TMCO4: variants seen among roughly 807,000 people sequenced by gnomAD.
TMCO4 encodes transmembrane and coiled-coil domains 4.
A neutral mutation model predicts 64.7 loss-of-function variants in TMCO4; 58 were observed. The ratio of observed to expected loss-of-function variants is 0.90; its 90% CI spans 0.73 to 1.12. The LOEUF is 1.12. Among genes scored for constraint, TMCO4 ranks in the 50% most tolerant of loss-of-function variants. The pLI, the probability that TMCO4 is intolerant of heterozygous loss-of-function variation, is 0.00. For synonymous variants in TMCO4, 325 were observed against 346.1 expected (o/e 0.94, Z 0.68); for missense variants, 780 against 825.9 (o/e 0.94, Z 0.68).
rs57031243 is a variant in TMCO4 at position 19,693,164 on chromosome 1, CAAAAAAAAAAAAAAAAAA to C, written c.1500+1252_1500+1269del. 5.5e-4 allele frequency among the ~76,000 whole-genome samples: 11 copies of C among 19,956 alleles called. 1 individual carries two copies. Among genetic ancestry groups the C allele is most frequent in the South Asian group, 2.9e-3 (1 of 344 alleles). The allele number at this position is 19,956 out of a possible 152,430, so 13.1% of individuals were successfully genotyped here. A position where few individuals can be genotyped will look rare whatever the true frequency, so the allele number is the denominator to read the frequency against. On this transcript the variant is annotated intron_variant, in intron 15 of 15. Coordinates refer to ENST00000294543, the MANE Select transcript of TMCO4 (RefSeq NM_181719.7). Reference sequence around the variant, plus strand: ...CTCCAGCCTGAGCGAGACCCCATCTCAAAAAAAAAAAAAAAAAAAAAAAAAAAAAAAAAAAAGGCCAGG... The same window carrying C: ...CTCCAGCCTGAGCGAGACCCCATCTCAAAAAAAAAAAAAAAAAAGGCCAGG...
At position 19,700,753 on chromosome 1, in the gene TMCO4, G is replaced by C. The variant is rs140422246; in HGVS notation, c.1382+15C>G. On this transcript the variant is annotated intron_variant, in intron 14 of 15. Transcript: ENST00000294543. The stretch of plus-strand genomic sequence containing the variant: ...AGCATTGTCACTTCCCCGCTGGCAC[G>C]AGGTTTGGACAGACCTGCAGTAGCC... 594 of 1,607,062 alleles carry C rather than the reference G, an allele frequency of 3.7e-4. 3 individuals are homozygous for C. The African/African-American group carries it at 5.8e-3, about 16-fold the overall frequency.
chr1:19,755,499 A>C, intron 7 of TMCO4, 135 bp downstream of exon 7: 1 of 1,270,926 alleles, frequency 7.9e-7, no homozygotes, highest in Non-Finnish European at 1.1e-6. Context: ...AGTCAGGGCT[A>C]CAGCTGGGAC....
At chr1:19,796,620 G>A (rs937960450) in intron 2 of TMCO4, among the ~76,000 whole-genome samples, 4 of 151,956 alleles carry the variant, frequency 2.6e-5, no homozygotes, top group African/African-American at 9.7e-5. Flanking sequence ...CTGTTGCCAG[G>A]CTGGAGTGCA....
At chr1:19,779,029 C>T (rs1174500113) in intron 4 of TMCO4, among the ~76,000 whole-genome samples, 1 of 151,154 alleles carries the variant, frequency 6.6e-6, no homozygotes, top group East Asian at 2.0e-4. Context: ...TGAGTATGTT[C>T]AACTGTTCAG....
chr1:19,712,696 G>A (rs1174099307), intron 13 of TMCO4, among the ~76,000 whole-genome samples: 1 of 152,136 alleles, frequency 6.6e-6, no homozygotes, highest in African/African-American at 2.4e-5. Context: ...GGCTTAAGGT[G>A]AGCACATGTA....
chr1:19,770,419 T>C (rs1244713657), intron 6 of TMCO4, 123 bp downstream of exon 6: 53 of 1,015,396 alleles, frequency 5.2e-5, no homozygotes, highest in Non-Finnish European at 7.8e-5. Flanking sequence ...CAGGTTCCTT[T>C]CCTTCCTGAA....
chr1:19,755,204 C>G (rs899376806), intron 7 of TMCO4, among the ~76,000 whole-genome samples: 1 of 152,256 alleles, frequency 6.6e-6, no homozygotes, highest in East Asian at 1.9e-4. Flanking sequence ...TGGCTCACTG[C>G]AACCTCCACC....
At chr1:19,771,039 A>C (rs1413750172) in intron 5 of TMCO4, among the ~76,000 whole-genome samples, 2 of 152,212 alleles carry the variant, frequency 1.3e-5, no homozygotes, top group Non-Finnish European at 2.9e-5. Flanking sequence ...TCAACTATGA[A>C]ATGGGGATGG....
chr1:19,726,699 T>G (rs2095410189), intron 13 of TMCO4, among the ~76,000 whole-genome samples: 1 of 152,136 alleles, frequency 6.6e-6, no homozygotes. Context: ...CCTCTGCTCC[T>G]CCCACACCTC....
At chr1:19,791,076 C>T (rs1202196500) in intron 2 of TMCO4, among the ~76,000 whole-genome samples, 2 of 152,168 alleles carry the variant, frequency 1.3e-5, no homozygotes, top group Admixed American at 6.5e-5. Context: ...CCAAACACCA[C>T]ATGTTCTCAC....
chr1:19,740,715 C>A lies in TMCO4; in HGVS notation c.1042+62G>T. On this transcript the variant is annotated intron_variant, in intron 11 of 15. Transcript: ENST00000294543. The stretch of plus-strand genomic sequence containing the variant: ...GCTTTGGGCATGCAAAACTATGGTA[C>A]CACTGTGTTGGGATGAAGGCAGTGG... 3 of 1,543,516 alleles carry A rather than the reference C, an allele frequency of 1.9e-6. No homozygotes were observed. The South Asian group carries it at 3.7e-5, about 19-fold the overall frequency.
chr1:19,774,186 A>G (rs2281242), intron 4 of TMCO4, among the ~76,000 whole-genome samples: 55,920 of 152,080 alleles, frequency 0.37, 10,333 homozygotes, highest in East Asian at 0.41. Context: ...TAAGTAAACC[A>G]AACGTTACTT....
At chr1:19,747,003 A>G (rs564044132) in intron 8 of TMCO4, among the ~76,000 whole-genome samples, 160 bp downstream of exon 8, 1 of 150,412 alleles carries the variant, frequency 6.6e-6, no homozygotes, top group Non-Finnish European at 1.5e-5. Context: ...GAAGTTTCTG[A>G]CAGTGCTGAT....
chr1:19,758,830 C>T (rs2042376385), intron 6 of TMCO4, among the ~76,000 whole-genome samples: 1 of 152,126 alleles, frequency 6.6e-6, no homozygotes, highest in Non-Finnish European at 1.5e-5. Flanking sequence ...CGTGGTGGCT[C>T]ATGCCTGTGC....
At chr1:19,736,666 T>C (rs941777488) in intron 13 of TMCO4, among the ~76,000 whole-genome samples, 19 of 152,152 alleles carry the variant, frequency 1.2e-4, no homozygotes, top group Non-Finnish European at 2.4e-4. Context: ...CCTGGAGACC[T>C]CACCTACCCA....
chr1:19,768,251 T>C (rs1056519391), intron 6 of TMCO4, among the ~76,000 whole-genome samples: 21 of 152,204 alleles, frequency 1.4e-4, no homozygotes, highest in Admixed American at 1.3e-4. Context: ...CAGCTAGGAC[T>C]TGGCACATGG....
At chr1:19,784,537 AAAT>A (rs994481785) in intron 3 of TMCO4, among the ~76,000 whole-genome samples, 1 of 152,044 alleles carries the variant, frequency 6.6e-6, no homozygotes, top group Non-Finnish European at 1.5e-5. Flanking sequence ...CCATCTAACA[AAAT>A]AATAATAATA....
At chr1:19,742,943 T>C (rs2095486451) in intron 10 of TMCO4, among the ~76,000 whole-genome samples, 1 of 151,812 alleles carries the variant, frequency 6.6e-6, no homozygotes, top group South Asian at 2.1e-4. Flanking sequence ...CCAGCTACTC[T>C]CGAGGCTGAG....
intron 15 of TMCO4, 100 bp from the exon 16 acceptor site, chr1:19,683,544 A>G (rs1361303152): frequency 1.4e-5 from 19 of 1,363,504 alleles, no homozygotes; most frequent in Non-Finnish European, 1.9e-5. Context: ...TGCCCTGAGC[A>G]TCCACAGCCA....
Sources: gnomAD v4.1 joint callset for allele counts (sites outside exome capture counted in the v4.1 genomes callset) on GRCh38, gnomAD v4.1.1 for gene constraint, MANE v1.5 for transcripts, NCBI Gene and HGNC (gene_info 2026-07-23, HGNC 2026-07-21) for gene names.